Variants in CCNY observed in about 807,000 individuals in gnomAD.
CCNY encodes the protein cyclin-Y.
A neutral mutation model predicts 42.8 loss-of-function variants in CCNY; 19 were observed. That is an observed-to-expected ratio of 0.44 (90% CI 0.31 to 0.65). The LOEUF (loss-of-function observed/expected upper bound fraction) is 0.65, where lower values mean the gene tolerates loss of function less well. CCNY is among the 30% of genes least tolerant of loss of function. CCNY has a pLI of 0.07. For synonymous variants in CCNY, 165 were observed against 162.7 expected, an observed-to-expected ratio of 1.01 and a Z score of -0.11; for missense variants, 370 against 437.3, an observed-to-expected ratio of 0.85 and a Z score of 1.37.
chr10:35,472,168 C>G (rs1332209355), intron 1 of CCNY, among the ~76,000 whole-genome samples: 2 of 152,162 alleles, frequency 1.3e-5, no homozygotes, highest in Admixed American at 1.3e-4. Context: ...TGCGCTAGTA[C>G]CTGACTCCTA....
At chr10:35,339,162 C>G (rs11010176) in intron 1 of CCNY, among the ~76,000 whole-genome samples, 5 of 152,208 alleles carry the variant, frequency 3.3e-5, no homozygotes, top group Non-Finnish European at 5.9e-5. Context: ...CACCTTCTGT[C>G]TCTCAAATTC....
intron 3 of CCNY, among the ~76,000 whole-genome samples, chr10:35,291,327 G>C (rs1229168606): frequency 6.6e-6 from 1 of 151,858 alleles, no homozygotes; most frequent in Admixed American, 6.6e-5. Flanking sequence ...TTTAAAGCTA[G>C]CTTCTTTCAC....
intron 1 of CCNY, among the ~76,000 whole-genome samples, chr10:35,465,211 T>C (rs1004905778): frequency 5.3e-5 from 8 of 152,210 alleles, no homozygotes; most frequent in Non-Finnish European, 1.5e-5. Context: ...TTGGACTTTA[T>C]GCATGGTAGG....
intron 7 of CCNY, among the ~76,000 whole-genome samples, chr10:35,548,514 T>G (rs1232617109): frequency 6.6e-6 from 1 of 152,056 alleles, no homozygotes; most frequent in Non-Finnish European, 1.5e-5. Flanking sequence ...GCCAGGATGG[T>G]CTCGATCTCC....
intron 1 of CCNY, among the ~76,000 whole-genome samples, chr10:35,438,509 T>C (rs1045618339): frequency 6.6e-6 from 1 of 152,154 alleles, no homozygotes; most frequent in Non-Finnish European, 1.5e-5. Flanking sequence ...GTATCATTGT[T>C]AAGTTAACCA....
At chr10:35,430,931 A>G (rs549645299) in intron 1 of CCNY, among the ~76,000 whole-genome samples, 26 of 152,188 alleles carry the variant, frequency 1.7e-4, no homozygotes, top group Admixed American at 6.5e-4. Flanking sequence ...ATCCTGGCCA[A>G]CATGGTGAAA....
rs531887374 is a variant in CCNY, at chr10:35,288,839, C to T, written c.-9+38213C>T. 1.4e-4 allele frequency among the ~76,000 whole-genome samples: 21 copies of T among 152,294 alleles called. No individual in the cohort carries two copies. In the South Asian group the frequency reaches 3.3e-3, roughly 24 times the overall value. On this transcript the variant is annotated intron_variant, in intron 3 of 11. Coordinates refer to the CCNY transcript ENST00000374706. ...ACATTTTTGAGTTTTTCCTCACTGC[C>T]TTGACTATTGTAGCTTTATAGTAAG... is the stretch of plus-strand genomic sequence containing the variant.
intron 3 of CCNY, among the ~76,000 whole-genome samples, chr10:35,326,085 T>G (rs1835877201): frequency 6.6e-6 from 1 of 151,910 alleles, no homozygotes; most frequent in Non-Finnish European, 1.5e-5. Flanking sequence ...CAAAAATAAA[T>G]AAATAAACTT....
chr10:35,435,662 C>T (rs1838513585), intron 1 of CCNY, among the ~76,000 whole-genome samples: 1 of 152,208 alleles, frequency 6.6e-6, no homozygotes, highest in Admixed American at 6.5e-5. Flanking sequence ...TGTTTACACA[C>T]TTTTGTATAT....
At chr10:35,359,255 A>T (rs1388689127) in intron 1 of CCNY, among the ~76,000 whole-genome samples, 2 of 152,110 alleles carry the variant, frequency 1.3e-5, no homozygotes, top group Non-Finnish European at 2.9e-5. Flanking sequence ...CTGTTGTGTG[A>T]ATCAGGCTGT....
intron 4 of CCNY, among the ~76,000 whole-genome samples, chr10:35,519,784 T>C (rs1339896998): frequency 3.8e-5 from 5 of 133,066 alleles, no homozygotes; most frequent in South Asian, 5.2e-4. Context: ...TTCTTTTTTT[T>C]TTTTTTTTTT....
intron 1 of CCNY, among the ~76,000 whole-genome samples, chr10:35,362,551 A>T (rs946486596): frequency 2.6e-5 from 4 of 151,812 alleles, no homozygotes; most frequent in African/African-American, 9.7e-5. Flanking sequence ...TCGTGTAGGG[A>T]CCTGAATGCC....
chr10:35,343,708 A>G (rs1257891291), intron 1 of CCNY, among the ~76,000 whole-genome samples: 2 of 152,132 alleles, frequency 1.3e-5, no homozygotes, highest in Non-Finnish European at 2.9e-5. Flanking sequence ...TTGCTTTTAC[A>G]TTTCTGGCTA....
chr10:35,350,265 G>A (rs1836401216), intron 1 of CCNY, among the ~76,000 whole-genome samples: 1 of 151,972 alleles, frequency 6.6e-6, no homozygotes, highest in Admixed American at 6.6e-5. Flanking sequence ...TATTCCTTTT[G>A]CTTTTTTCTT....
intron 1 of CCNY, among the ~76,000 whole-genome samples, chr10:35,403,230 A>G (rs978325552): frequency 2.0e-5 from 3 of 152,214 alleles, no homozygotes; most frequent in African/African-American, 7.2e-5. Flanking sequence ...GACGGAAAGG[A>G]AATGAGAGGT....
chr10:35,459,838 G>T (rs926977320), intron 1 of CCNY, among the ~76,000 whole-genome samples: 2 of 152,176 alleles, frequency 1.3e-5, no homozygotes, highest in Admixed American at 1.3e-4. Flanking sequence ...GGCTCTCCTT[G>T]TGTTGGGTAC....
At chr10:35,525,051 T>C (rs1840624417) in intron 4 of CCNY, among the ~76,000 whole-genome samples, 1 of 152,232 alleles carries the variant, frequency 6.6e-6, no homozygotes, top group Admixed American at 6.5e-5. Flanking sequence ...GTATTAATTA[T>C]AATTGCAAAG....
At position 35,483,408 on chromosome 10, in the gene CCNY, G is replaced by C; in HGVS notation, c.159G>C (p.Leu53Phe). ...HISDRENIDD[L>F]NMEFNPSDHP... is the part of the protein sequence containing the mutation. ...TTTATTTTCCTTTCTTTAAAGATTTGAACATGGAATTCAATCCTTCAGATC... is the reference window on the plus strand; with the variant it reads ...TTTATTTTCCTTTCTTTAAAGATTTCAACATGGAATTCAATCCTTCAGATC... The change falls in exon 2 of 10, where the codon TTG becomes TTC. Residue 53 changes from leucine (L) to phenylalanine (F), a missense_variant. By Grantham distance (22) the Leu-to-Phe change is conservative. Around this residue, in one of 2 missense-constraint regions of CCNY, gnomAD observed 136 missense variants for 124.2 expected, o/e 1.09. Transcript: ENST00000374704. The C allele has an allele frequency of 6.3e-7, 1 of 1,598,978 alleles. No individual in the cohort carries two copies. The highest frequency in any genetic ancestry group is 1.3e-5 in the African/African-American group (1 of 74,502).
In CCNY at chr10:35,429,092, C is replaced by G. The variant is rs146610610; in HGVS notation, c.155-54312C>G. ...CTAGTCACCTTCTACCAGAATCTTACCAGGTCCTAGCAGTCTAACCAGGCT... is the reference window on the plus strand; with the variant it reads ...CTAGTCACCTTCTACCAGAATCTTAGCAGGTCCTAGCAGTCTAACCAGGCT... On this transcript the variant is annotated intron_variant, in intron 1 of 9. Transcript: ENST00000374704. Among the ~76,000 whole-genome samples, 947 of 152,290 alleles carry G rather than the reference C, an allele frequency of 6.2e-3. 8 individuals are homozygous for G. Among genetic ancestry groups the G allele is most frequent in the African/African-American group, 0.021 (873 of 41,536 alleles).
Sources: gnomAD v4.1 joint callset for allele counts (sites outside exome capture counted in the v4.1 genomes callset) on GRCh38, gnomAD v4.1.1 for gene constraint, gnomAD v4.1.1 regional missense constraint, MANE v1.5 for transcripts, NCBI Gene and HGNC (gene_info 2026-07-23, HGNC 2026-07-21) for gene names.